The following COL6A6 variants were observed in gnomAD, a reference collection of about 807,000 sequenced individuals.
COL6A6 encodes the protein collagen type VI alpha 6 chain.
In COL6A6, 183 loss-of-function variants were observed where a neutral mutation model predicts 208.6. The observed-to-expected ratio is 0.88, with a 90% CI of 0.78 to 0.99. The LOEUF (loss-of-function observed/expected upper bound fraction) is 0.99. COL6A6 is among the 50% of genes least tolerant of loss of function. The probability of loss-of-function intolerance (pLI) is 0.00; values close to 1 mark genes in which losing one functional copy is unlikely to be tolerated. For synonymous variants in COL6A6, 973 were observed against 1,011.8 expected, an observed-to-expected ratio of 0.96 and a Z score of 0.73; for missense variants, 2,816 against 2,815.2, an observed-to-expected ratio of 1.00 and a Z score of -0.01.
At chr3:130,668,145 A>G (rs2066122274) in intron 36 of COL6A6, among the ~76,000 whole-genome samples, 1 of 152,004 alleles carries the variant, frequency 6.6e-6, no homozygotes, top group Admixed American at 6.5e-5. Flanking sequence ...TGCCAGTTAC[A>G]ATCAGAGATT....
chr3:130,596,949 T>C (rs2063868360), intron 18 of COL6A6, among the ~76,000 whole-genome samples: 1 of 152,230 alleles, frequency 6.6e-6, no homozygotes, highest in Non-Finnish European at 1.5e-5. Flanking sequence ...AGATAATGCT[T>C]TTTTACCCAG....
rs1380336847 is a variant in COL6A6 at position 130,606,960 on chromosome 3, C to T, written c.4683C>T (p.Gly1561=). ...TAAHGRRGHT[G]PQGTAGIPGP... ...CTCATGGCAGAAGGGGACATACAGG[C>T]CCACAGGTACAATGATTTTTCCCCT... is the stretch of plus-strand genomic sequence containing the variant. The change falls in exon 21 of 37, where the codon GGC becomes GGT. Residue 1561 remains glycine, a synonymous_variant. Transcript: ENST00000358511. The T allele has an allele frequency of 8.1e-6, 13 of 1,607,654 alleles. No individual in the cohort carries two copies. Among genetic ancestry groups the T allele is most frequent in the Non-Finnish European group, 1.1e-5 (13 of 1,176,826 alleles).
Position 130,581,907 on chromosome 3 carries a change from A to G in COL6A6, c.3891+3A>G. On this transcript the variant is annotated splice_donor_region_variant and intron_variant, in intron 9 of 36. Transcript: ENST00000358511. Reference sequence around the variant, plus strand: ...ATAAATCAGCTGCTCGAGGAAAGGTAACATGGATTTATCTTATTTGTTGGT... The same window carrying G: ...ATAAATCAGCTGCTCGAGGAAAGGTGACATGGATTTATCTTATTTGTTGGT... The G allele has an allele frequency of 6.2e-7, 1 of 1,602,538 alleles. No individual in the cohort carries two copies.
chr3:130,548,922 T>A (rs2062582246), intron 1 of COL6A6, among the ~76,000 whole-genome samples: 2 of 152,212 alleles, frequency 1.3e-5, no homozygotes, highest in Admixed American at 1.3e-4. Flanking sequence ...GTGTTACAGA[T>A]CTAAGAAAAA....
chr3:130,572,514 C>G (rs2063191372), intron 7 of COL6A6, among the ~76,000 whole-genome samples: 2 of 152,196 alleles, frequency 1.3e-5, no homozygotes, highest in Admixed American at 1.3e-4. Context: ...AGCCTTGCCT[C>G]CTTAGAATGC....
At chr3:130,617,169 T>G (rs1226351622) in intron 23 of COL6A6, among the ~76,000 whole-genome samples, 1 of 152,188 alleles carries the variant, frequency 6.6e-6, no homozygotes, top group Admixed American at 6.5e-5. Flanking sequence ...GCCATTCCTT[T>G]TACTCATTTA....
chr3:130,586,579 T>C lies in COL6A6; in HGVS notation c.4044T>C (p.Ile1348=). Residue 1348 remains isoleucine (I), a synonymous_variant, in exon 11 of 37, where the codon ATT becomes ATC. Transcript: ENST00000358511. ...DSSDLADLPY[I]EFGKGFEYRT... ...GTGACTTGGCTGATCTTCCCTATAT[T>C]GAATTTGGGAAAGGATTTGAGTACA... The C allele has an allele frequency of 1.2e-6, 2 of 1,613,866 alleles. No individual in the cohort carries two copies. Among genetic ancestry groups the C allele is most frequent in the Non-Finnish European group, 1.7e-6 (2 of 1,179,778 alleles).
chr3:130,622,216 T>C (rs1427203380), intron 24 of COL6A6, among the ~76,000 whole-genome samples: 3 of 137,656 alleles, frequency 2.2e-5, no homozygotes, highest in Non-Finnish European at 4.6e-5. Flanking sequence ...CCCCCCTTTT[T>C]TTTTTTCCTT....
chr3:130,641,528 AAAAT>A, intron 28 of COL6A6, 120 bp from the exon 29 acceptor site: 1 of 475,820 alleles, frequency 2.1e-6, no homozygotes, highest in Non-Finnish European at 3.6e-6. Context: ...TCAATTTTCT[AAAAT>A]AAAAGTGAAA....
chr3:130,534,204 G>GC (rs564050315), intron 1 of COL6A6, among the ~76,000 whole-genome samples: 1 of 149,300 alleles, frequency 6.7e-6, no homozygotes, highest in African/African-American at 2.6e-5. Context: ...ACTCATTTTG[G>GC]CCAGTCTAAT....
intron 28 of COL6A6, among the ~76,000 whole-genome samples, chr3:130,638,773 T>G (rs1317137439): frequency 6.6e-6 from 1 of 152,264 alleles, no homozygotes; most frequent in East Asian, 1.9e-4. Flanking sequence ...CCATTATTTC[T>G]AACTTCTTTT....
Position 130,586,540 on chromosome 3 carries a change from A to G in COL6A6, c.4005A>G (p.Gly1335=). 1 of 1,613,906 alleles carries G rather than the reference A, an allele frequency of 6.2e-7. No homozygotes were observed. The change falls in exon 11 of 37, where the codon GGA becomes GGG. Residue 1335 remains glycine, a synonymous_variant. Coordinates refer to ENST00000358511, the MANE Select transcript of COL6A6 (RefSeq NM_001102608.3). ...LNALITVALD[G]PADSSDLADL... ...CCCTCATAACTGTTGCTCTGGATGG[A>G]CCTGCTGATTCAAGTGACTTGGCTG... is the stretch of plus-strand genomic sequence containing the variant.
At chr3:130,555,301 G>A (rs562617378) in intron 1 of COL6A6, among the ~76,000 whole-genome samples, 108 of 152,190 alleles carry the variant, frequency 7.1e-4, no homozygotes, top group Non-Finnish European at 1.1e-3. Context: ...TTCCCCAGGA[G>A]TCACTGGGTG....
chr3:130,660,885 T>C (rs908925045), intron 34 of COL6A6, among the ~76,000 whole-genome samples: 43 of 152,242 alleles, frequency 2.8e-4, no homozygotes, highest in African/African-American at 9.4e-4. Context: ...CAGTCTCTTC[T>C]GTAAAATTAC....
intron 8 of COL6A6, among the ~76,000 whole-genome samples, chr3:130,580,175 A>G (rs559137184): frequency 3.9e-4 from 60 of 152,348 alleles, no homozygotes; most frequent in African/African-American, 1.3e-3. Flanking sequence ...TTAAACAGTC[A>G]TCATCAAAAA....
At chr3:130,586,118 C>T (rs1451149503) in intron 10 of COL6A6, among the ~76,000 whole-genome samples, 1 of 152,168 alleles carries the variant, frequency 6.6e-6, no homozygotes, top group Non-Finnish European at 1.5e-5. Context: ...CCATGCCCAG[C>T]TAATTTTGTA....
At chr3:130,624,448 G>T (rs1238495779) in intron 24 of COL6A6, among the ~76,000 whole-genome samples, 1 of 152,210 alleles carries the variant, frequency 6.6e-6, no homozygotes, top group Non-Finnish European at 1.5e-5. Context: ...TAATGGGGAT[G>T]ACAAGAAGTC....
intron 13 of COL6A6, among the ~76,000 whole-genome samples, chr3:130,592,316 G>C (rs1257634649): frequency 6.6e-6 from 1 of 152,194 alleles, no homozygotes; most frequent in Non-Finnish European, 1.5e-5. Context: ...CTTGGTGAGA[G>C]AGAAGTCTCA....
intron 24 of COL6A6, among the ~76,000 whole-genome samples, chr3:130,624,705 G>A (rs536520626): frequency 2.0e-5 from 3 of 152,296 alleles, no homozygotes; most frequent in African/African-American, 4.8e-5. Context: ...TTGTGCCTTA[G>A]AAGATCATTA....
Sources: gnomAD v4.1 joint callset for allele counts (sites outside exome capture counted in the v4.1 genomes callset) on GRCh38, gnomAD v4.1.1 for gene constraint, MANE v1.5 for transcripts, NCBI Gene and HGNC (gene_info 2026-07-23, HGNC 2026-07-21) for gene names.